Variants in LRP4 observed in about 807,000 individuals in gnomAD.
The protein encoded by LRP4 is low-density lipoprotein receptor-related protein 4.
In LRP4, 95 loss-of-function variants were observed where a neutral mutation model predicts 220.3. That is an observed-to-expected ratio of 0.43 (90% CI 0.37 to 0.51). LRP4 has a LOEUF of 0.51. Ranked by LOEUF, LRP4 falls within the 20% of genes least tolerant of loss-of-function variation. The pLI, the probability that LRP4 is intolerant of heterozygous loss-of-function variation, is 0.00. For missense variants in LRP4, 1,925 were observed against 2,567.0 expected (o/e 0.75, Z 5.40); for synonymous variants, 903 against 954.6 (o/e 0.95, Z 1.00).
intron 2 of LRP4, among the ~76,000 whole-genome samples, chr11:46,901,461 A>G (rs1941663939): frequency 6.6e-6 from 1 of 152,206 alleles, no homozygotes; most frequent in South Asian, 2.1e-4. Context: ...GCCTTTTGAT[A>G]TAATGCCTAT....
chr11:46,858,540 C>A lies in LRP4; in HGVS notation c.*443G>T, dbSNP rs1474701688. On this transcript the variant is annotated 3_prime_UTR_variant, in exon 38 of 38. Transcript: ENST00000378623. ...TCCTTCATCCCTGTCTTTACCCACA[C>A]CCCCATGTCCCAGCCCCTGATGGGC... 3.7e-6 allele frequency: 1 copy of A among 272,080 alleles called. No homozygotes were observed. The highest frequency in any genetic ancestry group is 4.4e-5 in the South Asian group (1 of 22,834). 16.9% of individuals were successfully genotyped at this position (272,080 alleles called of 1,614,324 possible).
chr11:46,918,401 C>T lies in LRP4; in HGVS notation c.-22G>A. 1 of 1,399,938 alleles carries T rather than the reference C, an allele frequency of 7.1e-7. No homozygotes were observed. Among genetic ancestry groups the T allele is most frequent in the Non-Finnish European group, 9.3e-7 (1 of 1,078,234 alleles). The allele number at this position is 1,399,938 out of a possible 1,614,324, so 86.7% of individuals were successfully genotyped here. On this transcript the variant is annotated 5_prime_UTR_variant, in exon 1 of 38. Coordinates refer to ENST00000378623, the MANE Select transcript of LRP4 (RefSeq NM_002334.4). The surrounding 1 kb of genome is among the most constrained non-coding windows in gnomAD (Gnocchi z 6.0). ...TCATGGTGCCGCCCGCGCCGCTCGC[C>T]CGGGGTCCCGCCGGCTCCCGCCGGA...
At chr11:46,892,885 G>A in intron 13 of LRP4, 88 bp downstream of exon 13, 6 of 1,507,518 alleles carry the variant, frequency 4.0e-6, no homozygotes, top group Non-Finnish European at 5.5e-6. Context: ...ACACTTTGAG[G>A]ATGTACTCCC....
At chr11:46,868,350 G>T (rs528642148) in intron 33 of LRP4, among the ~76,000 whole-genome samples, 48 of 152,330 alleles carry the variant, frequency 3.2e-4, no homozygotes, top group African/African-American at 1.1e-3. Flanking sequence ...ACAGGCCACT[G>T]ATTATCCCAC....
intron 8 of LRP4, 90 bp downstream of exon 8, chr11:46,896,779 C>A: frequency 1.3e-6 from 2 of 1,596,040 alleles, no homozygotes; most frequent in Non-Finnish European, 1.7e-6. Flanking sequence ...AAAACCTCAA[C>A]CCAACTGGAA....
chr11:46,908,401 T>C (rs1048436121), intron 1 of LRP4, among the ~76,000 whole-genome samples: 2 of 152,160 alleles, frequency 1.3e-5, no homozygotes, highest in Non-Finnish European at 2.9e-5. Flanking sequence ...AAAATTGCAA[T>C]TACTTTTGCG....
Position 46,875,705 on chromosome 11 carries a change from G to T in LRP4, c.3700-24C>A, listed in dbSNP as rs1940994425. On this transcript the variant is annotated intron_variant, in intron 26 of 37. Coordinates refer to ENST00000378623, the MANE Select transcript of LRP4 (RefSeq NM_002334.4). This position sits in a 1 kb window ranked among gnomAD's most constrained non-coding sequence, Gnocchi z 4.5. ...CGCTGCAGAGGAAGGAGAGGGTGGGGGGTGGTGATCAGCAGATTGGGAACT... is the reference window on the plus strand; with the variant it reads ...CGCTGCAGAGGAAGGAGAGGGTGGGTGGTGGTGATCAGCAGATTGGGAACT... 1 of 1,612,426 alleles carries T rather than the reference G, an allele frequency of 6.2e-7. No individual in the cohort carries two copies. Among genetic ancestry groups the T allele is most frequent in the African/African-American group, 1.3e-5 (1 of 74,856 alleles).
At position 46,879,050 on chromosome 11, in the gene LRP4, G is replaced by A. The variant is rs1263841309; in HGVS notation, c.3005-12C>T. The A allele has an allele frequency of 6.2e-7, 1 of 1,614,218 alleles. No homozygotes were observed. The highest frequency in any genetic ancestry group is 1.7e-5 in the Admixed American group (1 of 60,028). On this transcript the variant is annotated splice_polypyrimidine_tract_variant and intron_variant, in intron 21 of 37. Transcript: ENST00000378623. Reference sequence around the variant, plus strand: ...ACATGGTGTAGACACTGGGTAGAGAGGAGGGGATGTTCAATGGGGAGAGCT... The same window carrying A: ...ACATGGTGTAGACACTGGGTAGAGAAGAGGGGATGTTCAATGGGGAGAGCT...
At chr11:46,863,771 C>T (rs1304409438) in intron 36 of LRP4, among the ~76,000 whole-genome samples, 1 of 151,124 alleles carries the variant, frequency 6.6e-6, no homozygotes, top group African/African-American at 2.4e-5. Flanking sequence ...AAAAATAAGA[C>T]AAAAATTAAA....
intron 11 of LRP4, 101 bp downstream of exon 11, chr11:46,895,065 G>A: frequency 6.5e-7 from 1 of 1,540,532 alleles, no homozygotes; most frequent in Non-Finnish European, 8.9e-7. Flanking sequence ...TACTGTGACA[G>A]AAATCTCTCT....
intron 35 of LRP4, among the ~76,000 whole-genome samples, chr11:46,864,854 G>A (rs911145038): frequency 1.3e-5 from 2 of 152,168 alleles, no homozygotes; most frequent in African/African-American, 4.8e-5. Flanking sequence ...AGGACTGGAG[G>A]AAATTACATG....
chr11:46,890,499 G>T lies in LRP4; in HGVS notation c.1698-5C>A, dbSNP rs752901018. Reference sequence around the variant, plus strand: ...CAGTCTGTCCAGTAAATGGTACTAGGAAGAGAAAAGTAAATTGGGAAGTGG... The same window carrying T: ...CAGTCTGTCCAGTAAATGGTACTAGTAAGAGAAAAGTAAATTGGGAAGTGG... On this transcript the variant is annotated splice_polypyrimidine_tract_variant and splice_region_variant and intron_variant, in intron 13 of 37. Coordinates refer to ENST00000378623, the MANE Select transcript of LRP4 (RefSeq NM_002334.4). The surrounding 1 kb of genome is among the most constrained non-coding windows in gnomAD (Gnocchi z 5.3). The T allele has an allele frequency of 6.2e-7, 1 of 1,605,422 alleles. No individual in the cohort carries two copies. Among genetic ancestry groups the T allele is most frequent in the Admixed American group, 1.7e-5 (1 of 59,990 alleles).
chr11:46,918,291 G>T lies in LRP4; in HGVS notation c.52+37C>A. The T allele has an allele frequency of 6.6e-7, 1 of 1,508,568 alleles. No individual in the cohort carries two copies. Among genetic ancestry groups the T allele is most frequent in the Non-Finnish European group, 8.8e-7 (1 of 1,134,000 alleles). 93.4% of individuals were successfully genotyped at this position (1,508,568 alleles called of 1,614,324 possible). ...CGGGAGGCGAGTCCTGCAGCGGCCG[G>T]ACCCAGGGACAAACTTTCCCGGCGG... On this transcript the variant is annotated intron_variant, in intron 1 of 37. Coordinates refer to ENST00000378623, the MANE Select transcript of LRP4 (RefSeq NM_002334.4). This position sits in a 1 kb window ranked among gnomAD's most constrained non-coding sequence, Gnocchi z 6.0.
intron 7 of LRP4, among the ~76,000 whole-genome samples, chr11:46,897,497 T>C (rs1354788954): frequency 1.2e-3 from 174 of 150,460 alleles, no homozygotes; most frequent in African/African-American, 4.1e-3. Context: ...GGTCTCTGGT[T>C]TTCCTAGGCA....
In LRP4 at chr11:46,875,186, C is replaced by T; in HGVS notation, c.3926-83G>A. The T allele has an allele frequency of 2.1e-6, 3 of 1,418,118 alleles. No homozygotes were observed. Among genetic ancestry groups the T allele is most frequent in the Non-Finnish European group, 2.9e-6 (3 of 1,030,048 alleles). 87.8% of individuals were successfully genotyped at this position (1,418,118 alleles called of 1,614,324 possible). ...AAAGGTCCCAGTTGTTTGTGGCTGGCTCTTTGCTGTTCTAAGTGACAGGAT... is the reference window on the plus strand; with the variant it reads ...AAAGGTCCCAGTTGTTTGTGGCTGGTTCTTTGCTGTTCTAAGTGACAGGAT... On this transcript the variant is annotated intron_variant, in intron 27 of 37. Transcript: ENST00000378623. The surrounding 1 kb of genome is among the most constrained non-coding windows in gnomAD (Gnocchi z 4.5).
rs953188062 is a variant in LRP4 at position 46,892,595 on chromosome 11, AGAGTCTT to A, written c.1697+371_1697+377del. 5.5e-5 allele frequency among the ~76,000 whole-genome samples: 8 copies of A among 144,710 alleles called. No individual in the cohort carries two copies. In the Admixed American group the frequency reaches 5.6e-4, roughly 10 times the overall value. The allele number at this position is 144,710 out of a possible 152,430, so 94.9% of individuals were successfully genotyped here. ...TTTTTTTTTTTTTTTTTTTCGAGACAGAGTCTTGCTCTTTCTCCCAGGCTGGAGTGCA... is the reference window on the plus strand; with the variant it reads ...TTTTTTTTTTTTTTTTTTTCGAGACAGCTCTTTCTCCCAGGCTGGAGTGCA... On this transcript the variant is annotated intron_variant, in intron 13 of 37. Transcript: ENST00000378623.
intron 37 of LRP4, 93 bp downstream of exon 37, chr11:46,862,513 C>A: frequency 5.6e-6 from 7 of 1,258,110 alleles, no homozygotes; most frequent in Non-Finnish European, 7.0e-6. Context: ...TGGGATTACT[C>A]AGCAGCCGTT....
chr11:46,874,712 T>G, intron 28 of LRP4, 88 bp downstream of exon 28: 1 of 1,128,092 alleles, frequency 8.9e-7, no homozygotes, highest in Non-Finnish European at 1.3e-6. Flanking sequence ...GCCAAATCAC[T>G]CATCCATTTA....
chr11:46,873,248 G>A lies in LRP4; in HGVS notation c.4449-14C>T. On this transcript the variant is annotated splice_polypyrimidine_tract_variant and intron_variant, in intron 29 of 37. Coordinates refer to ENST00000378623, the MANE Select transcript of LRP4 (RefSeq NM_002334.4). This position sits in a 1 kb window ranked among gnomAD's most constrained non-coding sequence, Gnocchi z 4.2. ...CAGAAGAGGTACCTGAGACACAACA[G>A]TGCCATCATCATCAAGGCATGGGAA... 1 of 1,614,196 alleles carries A rather than the reference G, an allele frequency of 6.2e-7. No homozygotes were observed.
Sources: allele counts gnomAD v4.1 joint callset (sites outside exome capture counted in the v4.1 genomes callset), GRCh38; gene constraint gnomAD v4.1.1; non-coding constraint Gnocchi (gnomAD v3.1); transcripts MANE v1.5; gene names NCBI Gene and HGNC (gene_info 2026-07-23, HGNC 2026-07-21).